The following GALNT13 variants were observed in gnomAD, a reference collection of about 807,000 sequenced individuals.
GALNT13 encodes UDP-GalNAc:polypeptide N-acetylgalactosaminyltransferase 13.
GALNT13 carries 28 observed loss-of-function variants against 64.2 expected under a neutral mutation model. The observed-to-expected ratio is 0.44, with a 90% confidence interval of 0.32 to 0.60. GALNT13 has a LOEUF of 0.60. Among genes scored for constraint, GALNT13 ranks in the 20% least tolerant of loss-of-function variants. The probability of loss-of-function intolerance (pLI) is 0.05; values close to 1 mark genes in which losing one functional copy is unlikely to be tolerated. For missense variants in GALNT13, 577 were observed against 669.8 expected (o/e 0.86, Z 1.53); for synonymous variants, 214 against 224.6 (o/e 0.95, Z 0.42).
the GALNT13 span, among the ~76,000 whole-genome samples, chr2:153,752,818 T>C: frequency 0.31 from 47,789 of 151,948 alleles, 8,196 homozygotes; most frequent in Admixed American, 0.43. Context: ...TGTTATTATA[T>C]ATTGGAATAA....
intron 4 of GALNT13, among the ~76,000 whole-genome samples, chr2:154,169,394 A>T (rs1238884678): frequency 6.6e-6 from 1 of 152,200 alleles, no homozygotes; most frequent in Non-Finnish European, 1.5e-5. Context: ...ACGTCACTGG[A>T]TGTAAACTAC....
At chr2:153,290,719 T>A in the GALNT13 span, among the ~76,000 whole-genome samples, 1 of 152,214 alleles carries the variant, frequency 6.6e-6, no homozygotes, top group Non-Finnish European at 1.5e-5. Context: ...TATCCCCCTA[T>A]GTCCTTTAAA....
At chr2:154,321,770 T>C (rs193032565) in intron 9 of GALNT13, among the ~76,000 whole-genome samples, 28 of 152,118 alleles carry the variant, frequency 1.8e-4, no homozygotes, top group Non-Finnish European at 3.4e-4. Flanking sequence ...GGATCAAATA[T>C]TTGATATATG....
the GALNT13 span, among the ~76,000 whole-genome samples, chr2:153,720,473 C>G: frequency 3.4e-5 from 5 of 148,976 alleles, no homozygotes; most frequent in East Asian, 7.8e-4. Flanking sequence ...AGGATTTTGA[C>G]GAGCTGAGAG....
the GALNT13 span, among the ~76,000 whole-genome samples, chr2:153,807,675 C>T: frequency 6.6e-6 from 1 of 151,944 alleles, no homozygotes; most frequent in Admixed American, 6.6e-5. Flanking sequence ...GTTTTGTATT[C>T]ATATCTTCAA....
intron 9 of GALNT13, among the ~76,000 whole-genome samples, chr2:154,380,394 A>C (rs1284927961): frequency 2.0e-5 from 3 of 152,036 alleles, no homozygotes; most frequent in African/African-American, 4.8e-5. Context: ...ACATTTTGGT[A>C]AAAGGTGATA....
chr2:153,927,227 C>T (rs569182981), intron 2 of GALNT13, among the ~76,000 whole-genome samples: 37 of 152,008 alleles, frequency 2.4e-4, no homozygotes, highest in Admixed American at 1.8e-3. Context: ...AGAAAGGACC[C>T]GTTTATCCCA....
At chr2:153,797,357 T>C in the GALNT13 span, among the ~76,000 whole-genome samples, 1 of 152,332 alleles carries the variant, frequency 6.6e-6, no homozygotes, top group South Asian at 2.1e-4. Context: ...TTGGTGATGC[T>C]CTTAGTCTTC....
At chr2:154,186,998 C>A (rs965761741) in intron 4 of GALNT13, among the ~76,000 whole-genome samples, 1 of 151,902 alleles carries the variant, frequency 6.6e-6, no homozygotes, top group Non-Finnish European at 1.5e-5. Context: ...AAAAAACCCC[C>A]AGTTTATTAT....
At chr2:153,627,452 C>T in the GALNT13 span, among the ~76,000 whole-genome samples, 18 of 151,914 alleles carry the variant, frequency 1.2e-4, no homozygotes, top group South Asian at 2.1e-4. Context: ...ACTGGACAAA[C>T]GAGCAGCTTA....
intron 4 of GALNT13, among the ~76,000 whole-genome samples, chr2:154,181,356 C>G (rs922637305): frequency 1.3e-5 from 2 of 152,112 alleles, no homozygotes; most frequent in African/African-American, 4.8e-5. Flanking sequence ...AAACACTCCT[C>G]AGCCTTGCTA....
Position 154,395,978 on chromosome 2 carries a change from T to C in GALNT13, c.1157-13T>C. 1 of 1,579,460 alleles carries C rather than the reference T, an allele frequency of 6.3e-7. No homozygotes were observed. The highest frequency in any genetic ancestry group is 8.6e-7 in the Non-Finnish European group (1 of 1,165,610). On this transcript the variant is annotated splice_polypyrimidine_tract_variant and intron_variant, in intron 9 of 12. Transcript: ENST00000392825. ...TAGCACAAACTGATTTGTGTTTCTC[T>C]GAAAAATTCCAGGTGTTGTCAAAGT...
chr2:153,625,976 C>T, the GALNT13 span, among the ~76,000 whole-genome samples: 2 of 152,092 alleles, frequency 1.3e-5, no homozygotes, highest in African/African-American at 4.8e-5. Context: ...TAAATATTCA[C>T]ACACTTGTTA....
the GALNT13 span, among the ~76,000 whole-genome samples, chr2:153,570,771 A>C: frequency 2.0e-5 from 3 of 151,986 alleles, no homozygotes; most frequent in African/African-American, 7.2e-5. Context: ...CATTGTAGAT[A>C]TGTGGATTTG....
At chr2:154,428,979 G>A (rs1700591157) in intron 11 of GALNT13, among the ~76,000 whole-genome samples, 2 of 152,040 alleles carry the variant, frequency 1.3e-5, no homozygotes, top group Admixed American at 6.6e-5. Flanking sequence ...TAACAACAGT[G>A]AACTTAACTG....
the GALNT13 span, among the ~76,000 whole-genome samples, chr2:153,145,110 T>C: frequency 6.6e-6 from 1 of 151,944 alleles, no homozygotes; most frequent in Non-Finnish European, 1.5e-5. Context: ...GGCATGGTTT[T>C]ATTCCTCAAA....
At chr2:153,342,197 C>T in the GALNT13 span, among the ~76,000 whole-genome samples, 948 of 152,248 alleles carry the variant, frequency 6.2e-3, 8 homozygotes, top group African/African-American at 0.022. Context: ...AGGTTCTTGC[C>T]AGTGCATACA....
the GALNT13 span, among the ~76,000 whole-genome samples, chr2:153,083,026 ACCATGCTGG>A: frequency 6.6e-6 from 1 of 151,710 alleles, no homozygotes; most frequent in Non-Finnish European, 1.5e-5. Context: ...ACAGGGTTTC[ACCATGCTGG>A]CCAGGCTGGT....
chr2:154,060,336 G>A (rs922328669), intron 3 of GALNT13, among the ~76,000 whole-genome samples: 3 of 152,038 alleles, frequency 2.0e-5, no homozygotes, highest in Non-Finnish European at 4.4e-5. Context: ...TGGAGATAGA[G>A]TTATATCTTT....
Sources: gnomAD v4.1 joint callset for allele counts (sites outside exome capture counted in the v4.1 genomes callset) on GRCh38, gnomAD v4.1.1 for gene constraint, MANE v1.5 for transcripts, NCBI Gene and HGNC (gene_info 2026-07-23, HGNC 2026-07-21) for gene names.